Variants in FAM228A observed in about 807,000 individuals in gnomAD.
FAM228A encodes family with sequence similarity 228 member A, also known as protein FAM228A.
Under a neutral mutation model 18.6 loss-of-function variants are expected in FAM228A, and 13 were observed. The observed-to-expected ratio is 0.70, with a 90% CI of 0.45 to 1.11. FAM228A has a LOEUF of 1.11. Ranked by LOEUF, FAM228A falls within the 50% of genes least tolerant of loss-of-function variation. The pLI is 0.00. For missense variants in FAM228A, 240 were observed against 242.2 expected, an observed-to-expected ratio of 0.99 and a Z score of 0.06; for synonymous variants, 77 against 86.6, an observed-to-expected ratio of 0.89 and a Z score of 0.61.
intron 5 of FAM228A, among the ~76,000 whole-genome samples, chr2:24,184,285 CAGG>C (rs1667890534): frequency 6.6e-6 from 1 of 151,044 alleles, no homozygotes; most frequent in Non-Finnish European, 1.5e-5. Context: ...GAGACTGAGG[CAGG>C]AGAATCGCTT....
intron 5 of FAM228A, among the ~76,000 whole-genome samples, chr2:24,188,119 A>G (rs757982780): frequency 2.0e-5 from 3 of 151,766 alleles, no homozygotes; most frequent in Non-Finnish European, 4.4e-5. Context: ...TCATTTTTGT[A>G]TATTTTCTAT....
intron 5 of FAM228A, 108 bp downstream of exon 5, chr2:24,183,753 TTTA>T (rs1360538067): frequency 1.1e-5 from 10 of 871,186 alleles, no homozygotes; most frequent in South Asian, 1.9e-5. Flanking sequence ...AGTTTATAGT[TTTA>T]TTATTATTAT....
chr2:24,190,567 T>C lies in FAM228A; in HGVS notation c.557T>C (p.Leu186Pro), dbSNP rs1422541165. The change falls in exon 6 of 6, where the codon CTG (leucine) becomes CCG (proline). Residue 186 changes from leucine to proline, a missense_variant. Transcript: ENST00000295150. The part of the protein sequence containing the change: ...GERKGLVSRG[L>P]GRGWHAGLCS... ...AGAAAGGGTCTGGTGAGCAGAGGCCTGGGGCGGGGCTGGCATGCAGGGCTT... is the reference window on the plus strand; with the variant it reads ...AGAAAGGGTCTGGTGAGCAGAGGCCCGGGGCGGGGCTGGCATGCAGGGCTT... 1 of 1,612,362 alleles carries C rather than the reference T, an allele frequency of 6.2e-7. No homozygotes were observed. Among genetic ancestry groups the C allele is most frequent in the East Asian group, 2.2e-5 (1 of 44,854 alleles).
intron 5 of FAM228A, among the ~76,000 whole-genome samples, chr2:24,184,643 T>A (rs1343925666): frequency 1.3e-5 from 2 of 152,218 alleles, no homozygotes; most frequent in Non-Finnish European, 2.9e-5. Context: ...TCCAGTTTGG[T>A]ATTTTCGTTT....
Position 24,191,161 on chromosome 2 carries a change from C to G in FAM228A, c.*530C>G. 3 of 985,630 alleles carry G rather than the reference C, an allele frequency of 3.0e-6. No homozygotes were observed. Among genetic ancestry groups the G allele is most frequent in the Non-Finnish European group, 3.6e-6 (3 of 830,076 alleles). 61.1% of individuals were successfully genotyped at this position (985,630 alleles called of 1,614,324 possible). ...GTTCATTTGACACAGTTTTCAGCTC[C>G]TGGTCTATTTCCCCTTCCATTCTCT... On this transcript the variant is annotated 3_prime_UTR_variant, in exon 6 of 6. Transcript: ENST00000295150.
rs774404104 is a variant in FAM228A at position 24,190,469 on chromosome 2, C to A, written c.459C>A (p.Ala153=). The A allele has an allele frequency of 2.5e-6, 4 of 1,613,976 alleles. No homozygotes were observed. The highest frequency in any genetic ancestry group is 2.7e-5 in the African/African-American group (2 of 74,904). Residue 153 remains alanine, a synonymous_variant, in exon 6 of 6, where the codon GCC becomes GCA. Coordinates refer to ENST00000295150, the MANE Select transcript of FAM228A (RefSeq NM_001040710.3). ...AGAAAAGAAAAGAGAAAAAGACGGCCGACCTAAGTCAGGCTGCGTTTGAAA... is the reference window on the plus strand; with the variant it reads ...AGAAAAGAAAAGAGAAAAAGACGGCAGACCTAAGTCAGGCTGCGTTTGAAA... ...KKQKRKEKKT[A]DLSQAAFERQ...
chr2:24,180,671 A>T (rs1667796110), intron 3 of FAM228A, among the ~76,000 whole-genome samples: 1 of 152,190 alleles, frequency 6.6e-6, no homozygotes, highest in African/African-American at 2.4e-5. Context: ...AGTAATTTTA[A>T]ATGTCAGTAA....
rs749768503 is a variant in FAM228A at position 24,177,796 on chromosome 2, T to A, written c.94-6T>A. The A allele has an allele frequency of 7.3e-6, 11 of 1,502,160 alleles. No individual in the cohort carries two copies. The Admixed American group carries it at 1.4e-4, about 19-fold the overall frequency. The allele number at this position is 1,502,160 out of a possible 1,614,324, so 93.1% of individuals were successfully genotyped here. On this transcript the variant is annotated splice_region_variant and splice_polypyrimidine_tract_variant and intron_variant, in intron 2 of 5. Coordinates refer to ENST00000295150, the MANE Select transcript of FAM228A (RefSeq NM_001040710.3). ...CACATCTTAATATTCAATTCTGTAA[T>A]TTTAGGTATTAGCTAGAGAAGACAT... is the stretch of plus-strand genomic sequence containing the variant.
At chr2:24,180,281 C>T (rs1247969257) in intron 3 of FAM228A, among the ~76,000 whole-genome samples, 4 of 78,990 alleles carry the variant, frequency 5.1e-5, no homozygotes, top group African/African-American at 2.1e-4. Context: ...ATGGCAAAAA[C>T]CCGTCTGTAC....
At chr2:24,180,444 T>C (rs1368473873) in intron 3 of FAM228A, among the ~76,000 whole-genome samples, 1 of 152,124 alleles carries the variant, frequency 6.6e-6, no homozygotes, top group Non-Finnish European at 1.5e-5. Flanking sequence ...AGTGAGACCC[T>C]AGAGTAGGTT....
At chr2:24,189,938 C>T (rs926984731) in intron 5 of FAM228A, among the ~76,000 whole-genome samples, 4 of 151,896 alleles carry the variant, frequency 2.6e-5, no homozygotes, top group African/African-American at 9.7e-5. Context: ...TGGAGCCAGG[C>T]GCTCGGGGGA....
chr2:24,177,542 AT>A (rs5829919), intron 2 of FAM228A, among the ~76,000 whole-genome samples: 1 of 151,658 alleles, frequency 6.6e-6, no homozygotes, highest in African/African-American at 2.4e-5. Context: ...GCTATCAGGG[AT>A]TTTTTTTAAA....
At chr2:24,179,616 C>G (rs1667769607) in intron 3 of FAM228A, among the ~76,000 whole-genome samples, 1 of 152,100 alleles carries the variant, frequency 6.6e-6, no homozygotes, top group South Asian at 2.1e-4. Context: ...CAGGTTTTTT[C>G]CTATTCTGTT....
At chr2:24,179,780 A>G (rs1397856389) in intron 3 of FAM228A, among the ~76,000 whole-genome samples, 1 of 152,198 alleles carries the variant, frequency 6.6e-6, no homozygotes, top group Admixed American at 6.5e-5. Flanking sequence ...CCTTTGCAGG[A>G]AGCAAAAAGA....
In FAM228A at chr2:24,183,576, C is replaced by T. The variant is rs778407036; in HGVS notation, c.332C>T (p.Ser111Leu). 16 of 1,614,066 alleles carry T rather than the reference C, an allele frequency of 9.9e-6. No individual in the cohort carries two copies. Among genetic ancestry groups the T allele is most frequent in the Non-Finnish European group, 1.4e-5 (16 of 1,179,926 alleles). ...HASSPYFTFTSHCVIPKEWHK... is the reference protein window; with the variant it reads ...HASSPYFTFTLHCVIPKEWHK... ...AGCTCGCCCTACTTCACTTTCACTT[C>T]ACACTGTGTGATTCCAAAAGAGTGG... Residue 111 changes from serine (S) to leucine (L), a missense_variant, in exon 5 of 6, where the codon TCA (serine) becomes TTA (leucine). Physicochemically the swap from Ser to Leu is moderately radical, Grantham distance 145. Transcript: ENST00000295150.
At chr2:24,177,371 C>T (rs1382662805) in intron 2 of FAM228A, among the ~76,000 whole-genome samples, 2 of 152,064 alleles carry the variant, frequency 1.3e-5, no homozygotes, top group African/African-American at 2.4e-5. Context: ...ACCTGGAGGG[C>T]GGAGGTTACA....
rs1205526418 is a variant in FAM228A, at chr2:24,183,610, C to T, written c.366C>T (p.Ala122=). The change falls in exon 5 of 6, where the codon GCC becomes GCT. Residue 122 remains alanine (A), a synonymous_variant. Coordinates refer to ENST00000295150, the MANE Select transcript of FAM228A (RefSeq NM_001040710.3). ...HCVIPKEWHK[A]SARARSKTYK... ...TGATTCCAAAAGAGTGGCATAAAGC[C>T]TCTGCAAGAGCCAGGAGTAAAACTT... is the stretch of plus-strand genomic sequence containing the variant. 6.2e-7 allele frequency: 1 copy of T among 1,611,932 alleles called. No individual in the cohort carries two copies. The highest frequency in any genetic ancestry group is 2.2e-5 in the East Asian group (1 of 44,854).
At position 24,175,528 on chromosome 2, in the gene FAM228A, AAAGTT is replaced by A. The variant is rs774749261; in HGVS notation, c.52_56del (p.Leu18ArgfsTer16). On this transcript the variant is annotated frameshift_variant, in exon 2 of 6. Transcript: ENST00000295150. LOFTEE classifies it high-confidence loss of function. ...GTTATGATGAACATTTCAGGCCAGA[AAAGTT>A]AAGAGAATGGCCGGAGCCCGAGTCC... 2.5e-6 allele frequency: 4 copies of A among 1,614,218 alleles called. No homozygotes were observed. The highest frequency in any genetic ancestry group is 2.2e-5 in the East Asian group (1 of 44,884).
Position 24,183,281 on chromosome 2 carries a change from G to T in FAM228A, c.163-4G>T, listed in dbSNP as rs866868583. On this transcript the variant is annotated splice_region_variant and splice_polypyrimidine_tract_variant and intron_variant, in intron 3 of 5. Transcript: ENST00000295150. ...GTACTCAAAGAGTCTCATTTCTCTT[G>T]TAGGTTACAGTCCCACCATTTGTTG... The T allele has an allele frequency of 3.7e-6, 6 of 1,608,140 alleles. No individual in the cohort carries two copies. In the Middle Eastern group the frequency reaches 5.0e-4, roughly 133 times the overall value.
Sources: gnomAD v4.1 joint callset for allele counts (sites outside exome capture counted in the v4.1 genomes callset) on GRCh38, gnomAD v4.1.1 for gene constraint, MANE v1.5 for transcripts, NCBI Gene and HGNC (gene_info 2026-07-23, HGNC 2026-07-21) for gene names.